The following APBB2 variants were observed in gnomAD, a reference collection of about 807,000 sequenced individuals.
APBB2 encodes amyloid beta precursor protein binding family B member 2.
In APBB2, 38 loss-of-function variants were observed where a neutral mutation model predicts 82.5. That is an observed-to-expected ratio of 0.46 (90% confidence interval 0.36 to 0.60). The LOEUF (loss-of-function observed/expected upper bound fraction) is 0.60, where lower values mean the gene tolerates loss of function less well. APBB2 is among the 20% of genes least tolerant of loss of function. The pLI is 0.00. For synonymous variants in APBB2, 341 were observed against 368.2 expected, an observed-to-expected ratio of 0.93 and a Z score of 0.85; for missense variants, 772 against 972.3, an observed-to-expected ratio of 0.79 and a Z score of 2.74.
At chr4:41,053,430 T>C (rs186289839) in intron 4 of APBB2, among the ~76,000 whole-genome samples, 1 of 150,882 alleles carries the variant, frequency 6.6e-6, no homozygotes, top group East Asian at 1.9e-4. Flanking sequence ...AATTTAGCAA[T>C]AGAAAATTCC....
Position 40,811,519 on chromosome 4 carries a change from T to TA in APBB2, c.*4572_*4573insT, listed in dbSNP as rs1744400982. The stretch of plus-strand genomic sequence containing the variant: ...GTGAGCTGAAATTACACCACTGCAC[T>TA]CCAGAGTAAGACTCCTCTGTCTGAA... On this transcript the variant is annotated 3_prime_UTR_variant, in exon 18 of 18. Transcript: ENST00000508593. 6.3e-5 allele frequency: 2 copies of TA among 31,596 alleles called. No homozygotes were observed. The highest frequency in any genetic ancestry group is 6.6e-5 in the Non-Finnish European group (1 of 15,252). The allele number at this position is 31,596 out of a possible 1,614,324, so 2.0% of individuals were successfully genotyped here. A position where few individuals can be genotyped will look rare whatever the true frequency, so the allele number is the denominator to read the frequency against.
At chr4:40,896,796 C>G (rs1056471492) in intron 10 of APBB2, among the ~76,000 whole-genome samples, 3 of 152,140 alleles carry the variant, frequency 2.0e-5, no homozygotes, top group African/African-American at 7.2e-5. Context: ...CATATGATCA[C>G]CTCAGTCAAA....
At chr4:41,136,329 A>G (rs917147129) in intron 2 of APBB2, among the ~76,000 whole-genome samples, 1 of 152,230 alleles carries the variant, frequency 6.6e-6, no homozygotes, top group African/African-American at 2.4e-5. Context: ...AGAGAGAAAG[A>G]AAAGATTTAA....
At chr4:40,819,044 G>A (rs1454310335) in intron 17 of APBB2, among the ~76,000 whole-genome samples, 1 of 151,764 alleles carries the variant, frequency 6.6e-6, no homozygotes, top group Non-Finnish European at 1.5e-5. Context: ...ATGGGGTGGG[G>A]GGGCGGCGGT....
At chr4:41,051,866 T>G (rs894635304) in intron 4 of APBB2, among the ~76,000 whole-genome samples, 2 of 152,138 alleles carry the variant, frequency 1.3e-5, no homozygotes, top group Non-Finnish European at 1.5e-5. Flanking sequence ...TTCCTTTGAG[T>G]GTCTCTTTAG....
At chr4:40,835,058 A>G (rs1454571750) in intron 12 of APBB2, among the ~76,000 whole-genome samples, 2 of 152,234 alleles carry the variant, frequency 1.3e-5, no homozygotes, top group East Asian at 3.9e-4. Context: ...GTGGCAGATC[A>G]TGAGGTCAGG....
At chr4:41,166,954 T>C (rs773166766) in intron 1 of APBB2, among the ~76,000 whole-genome samples, 37 of 152,236 alleles carry the variant, frequency 2.4e-4, no homozygotes, top group Non-Finnish European at 4.3e-4. Context: ...AAGTGGTGGG[T>C]GACTGAACCT....
At chr4:40,998,015 T>C (rs1288936794) in intron 6 of APBB2, among the ~76,000 whole-genome samples, 1 of 152,224 alleles carries the variant, frequency 6.6e-6, no homozygotes, top group Non-Finnish European at 1.5e-5. Flanking sequence ...AGACAAACTA[T>C]GGTTATTCAA....
At chr4:41,045,538 C>T (rs1359184598) in intron 4 of APBB2, among the ~76,000 whole-genome samples, 19 of 152,062 alleles carry the variant, frequency 1.2e-4, no homozygotes, top group Admixed American at 3.3e-4. Context: ...GTGATCCACC[C>T]GCCTCAGCCT....
chr4:40,969,805 T>C (rs567083221), intron 6 of APBB2, among the ~76,000 whole-genome samples: 1 of 152,350 alleles, frequency 6.6e-6, no homozygotes, highest in South Asian at 2.1e-4. Context: ...TTTTGGATTG[T>C]AAAGGGAACA....
intron 10 of APBB2, among the ~76,000 whole-genome samples, chr4:40,913,426 CAT>C (rs1403559960): frequency 2.6e-5 from 4 of 152,228 alleles, no homozygotes; most frequent in South Asian, 2.1e-4. Flanking sequence ...TGCCTTTGCA[CAT>C]GAGTCCACTC....
At chr4:40,822,915 G>A (rs1006831800) in intron 16 of APBB2, among the ~76,000 whole-genome samples, 2 of 152,100 alleles carry the variant, frequency 1.3e-5, no homozygotes, top group African/African-American at 4.8e-5. Context: ...GCTGGTGTGG[G>A]GAAGGGCGGG....
intron 2 of APBB2, among the ~76,000 whole-genome samples, chr4:41,108,308 G>C (rs1401925712): frequency 1.3e-5 from 2 of 152,054 alleles, no homozygotes; most frequent in Non-Finnish European, 2.9e-5. Flanking sequence ...TGGTTGAAAA[G>C]AAACTGACGC....
intron 4 of APBB2, among the ~76,000 whole-genome samples, chr4:41,052,168 G>A (rs1203444603): frequency 1.3e-5 from 2 of 151,904 alleles, no homozygotes; most frequent in Non-Finnish European, 2.9e-5. Flanking sequence ...AGGAGTTGGA[G>A]ATCAGCCTGG....
intron 12 of APBB2, chr4:40,880,700 C>T (rs552904435): frequency 9.1e-5 from 90 of 985,406 alleles, no homozygotes; most frequent in South Asian, 3.8e-4. Context: ...TCCAGAAAGG[C>T]CCATCCTTTG....
chr4:41,151,768 GTCT>G (rs145403769), intron 1 of APBB2, among the ~76,000 whole-genome samples: 7,651 of 150,922 alleles, frequency 0.051, 271 homozygotes, highest in Non-Finnish European at 0.073. Flanking sequence ...CTTAAACATG[GTCT>G]TCTTTTTTTT....
In APBB2 at chr4:40,811,387, C is replaced by T. The variant is rs1744375796; in HGVS notation, c.*4705G>A. ...TGGCCAACGTGGCGAAACCCTGTCT[C>T]TACTAAAAATATACAAATTGGCCAG... On this transcript the variant is annotated 3_prime_UTR_variant, in exon 18 of 18. Transcript: ENST00000508593. 2 of 152,068 alleles carry T rather than the reference C, an allele frequency of 1.3e-5. No homozygotes were observed. The highest frequency in any genetic ancestry group is 4.8e-5 in the African/African-American group (2 of 41,382). 9.4% of individuals were successfully genotyped at this position (152,068 alleles called of 1,614,324 possible).
intron 12 of APBB2, among the ~76,000 whole-genome samples, chr4:40,845,033 T>C (rs528172053): frequency 6.6e-6 from 1 of 152,374 alleles, no homozygotes; most frequent in African/African-American, 2.4e-5. Context: ...CTTAAAAACA[T>C]ACCATCAAGA....
intron 1 of APBB2, among the ~76,000 whole-genome samples, chr4:41,145,073 T>C (rs1760338938): frequency 6.6e-6 from 1 of 152,338 alleles, no homozygotes; most frequent in South Asian, 2.1e-4. Flanking sequence ...TGAGCCATGT[T>C]CACGTCACTA....
Sources: gnomAD v4.1 joint callset for allele counts (sites outside exome capture counted in the v4.1 genomes callset) on GRCh38, gnomAD v4.1.1 for gene constraint, MANE v1.5 for transcripts, NCBI Gene and HGNC (gene_info 2026-07-23, HGNC 2026-07-21) for gene names.